The following MYH7B variants were observed in gnomAD, a reference collection of about 807,000 sequenced individuals.
MYH7B encodes the protein myosin-7B.
In MYH7B, 205 loss-of-function variants were observed where a neutral mutation model predicts 234.5. The ratio of observed to expected loss-of-function variants is 0.87; its 90% CI spans 0.78 to 0.98. The LOEUF (loss-of-function observed/expected upper bound fraction) is 0.98, where lower values mean the gene tolerates loss of function less well. Among genes scored for constraint, MYH7B ranks in the 50% least tolerant of loss-of-function variants. MYH7B has a pLI of 0.00. For missense variants in MYH7B, 2,652 were observed against 2,633.4 expected, an observed-to-expected ratio of 1.01 and a Z score of -0.15; for synonymous variants, 1,193 against 1,105.0, an observed-to-expected ratio of 1.08 and a Z score of -1.58.
At chr20:34,994,065 A>G in intron 26 of MYH7B, 81 bp from the exon 27 acceptor site, 1 of 1,547,284 alleles carries the variant, frequency 6.5e-7, no homozygotes, top group Non-Finnish European at 8.8e-7. Flanking sequence ...TGGGAAGGCA[A>G]AACAAGTGAA....
At chr20:34,958,612 C>T (rs945929876) in intron 2 of MYH7B, among the ~76,000 whole-genome samples, 1 of 152,028 alleles carries the variant, frequency 6.6e-6, no homozygotes, top group African/African-American at 2.4e-5. Context: ...ATTACAGGCA[C>T]GTGCCACCAT....
Position 34,981,116 on chromosome 20 carries a change from G to T in MYH7B, c.527+56G>T, listed in dbSNP as rs2081935736. 2.5e-6 allele frequency: 4 copies of T among 1,602,982 alleles called. No individual in the cohort carries two copies. In the South Asian group the frequency reaches 4.4e-5, roughly 18 times the overall value. ...AAATGCTGGCCATCTGGCAGAAAGA[G>T]GGCGGTACCACAGTCATTTCCCAGG... On this transcript the variant is annotated intron_variant, in intron 9 of 44. Coordinates refer to ENST00000262873, the Ensembl canonical transcript of MYH7B.
At chr20:34,979,685 C>T (rs1569034868) in exon 7 of MYH7B, 1 of 1,614,192 alleles carries the variant, frequency 6.2e-7, no homozygotes. Context: ...TGAAGCCGAG[C>T]TGCAGCCCAT....
At chr20:34,961,604 C>T (rs55909363) in intron 2 of MYH7B, among the ~76,000 whole-genome samples, 12,292 of 152,248 alleles carry the variant, frequency 0.081, 581 homozygotes, top group South Asian at 0.13. Flanking sequence ...AGAATATTTT[C>T]ATCACCACAG....
At chr20:34,963,871 G>A (rs1803795501) in intron 2 of MYH7B, among the ~76,000 whole-genome samples, 1 of 152,004 alleles carries the variant, frequency 6.6e-6, no homozygotes. Context: ...TGATTCTTGT[G>A]CAGCTTGCTT....
chr20:34,979,789 C>T lies in MYH7B; in HGVS notation c.327C>T (p.Ala109=), dbSNP rs759240571. The T allele has an allele frequency of 5.0e-6, 8 of 1,613,766 alleles. No individual in the cohort carries two copies. In the Admixed American group the frequency reaches 5.0e-5, roughly 10 times the overall value. The change falls in exon 7 of 45, where the codon GCC becomes GCT. Residue 109 remains alanine, a synonymous_variant. Coordinates refer to ENST00000262873, the Ensembl canonical transcript of MYH7B. ...TGCACAACCTGCGCCAGCGCTATGC[C>T]CGCTGGATGATCTATGTGAGCCCCA...
intron 1 of MYH7B, among the ~76,000 whole-genome samples, chr20:34,957,880 G>A (rs1017071286): frequency 6.6e-6 from 1 of 152,242 alleles, no homozygotes; most frequent in African/African-American, 2.4e-5. Flanking sequence ...CGGGATGGGG[G>A]GAGATGGTGG....
intron 1 of MYH7B, among the ~76,000 whole-genome samples, chr20:34,956,690 G>A (rs896605933): frequency 6.6e-6 from 1 of 152,182 alleles, no homozygotes; most frequent in Admixed American, 6.5e-5. Flanking sequence ...GGAAGGTATA[G>A]GTAGTGAAGG....
chr20:34,995,234 C>G (rs61501849), intron 27 of MYH7B, 102 bp from the exon 28 acceptor site: 868,045 of 1,233,004 alleles, frequency 0.7, 307,618 homozygotes, highest in Admixed American at 0.85. Flanking sequence ...CACAGCCAAA[C>G]TTTGCTACAG....
At chr20:34,956,894 G>C (rs1453162214) in intron 1 of MYH7B, among the ~76,000 whole-genome samples, 1 of 152,110 alleles carries the variant, frequency 6.6e-6, no homozygotes, top group African/African-American at 2.4e-5. Flanking sequence ...GTCTCTACTA[G>C]AAATACAAGA....
intron 38 of MYH7B, 138 bp from the exon 39 acceptor site, chr20:35,000,155 G>A: frequency 1.8e-6 from 2 of 1,120,518 alleles, no homozygotes; most frequent in Non-Finnish European, 2.5e-6. Context: ...TGGGCCACAG[G>A]CAGTCACAAG....
At chr20:35,001,022 A>T in exon 41 of MYH7B, 1 of 1,613,846 alleles carries the variant, frequency 6.2e-7, no homozygotes, top group Non-Finnish European at 8.5e-7. Flanking sequence ...AAGAAGGAGC[A>T]GGACACAAGT....
chr20:34,986,668 A>G (rs2082029703), intron 14 of MYH7B, among the ~76,000 whole-genome samples: 1 of 152,190 alleles, frequency 6.6e-6, no homozygotes, highest in Admixed American at 6.5e-5. Flanking sequence ...CCAGGGTCAA[A>G]GTGAAGGCCA....
At chr20:34,974,783 AT>A (rs2081830940) in intron 2 of MYH7B, among the ~76,000 whole-genome samples, 1 of 152,208 alleles carries the variant, frequency 6.6e-6, no homozygotes, top group Non-Finnish European at 1.5e-5. Context: ...TTAAAATCCT[AT>A]TATCTATCAG....
exon 27 of MYH7B, chr20:34,994,300 C>A (rs749943398): frequency 1.2e-6 from 2 of 1,611,112 alleles, no homozygotes; most frequent in South Asian, 2.2e-5. Flanking sequence ...GCGGGGGTTG[C>A]GAGGGGCGCT....
chr20:35,000,588 G>GAGGAGCTGC (rs2082352488), exon 39 of MYH7B: 1 of 1,568,668 alleles, frequency 6.4e-7, no homozygotes, highest in Non-Finnish European at 8.6e-7. Flanking sequence ...TGCGGAGCTG[G>GAGGAGCTGC]AGGAGCTGCG....
chr20:34,982,706 T>C (rs1305875369), intron 10 of MYH7B, 151 bp downstream of exon 10: 1 of 681,586 alleles, frequency 1.5e-6, no homozygotes, highest in Non-Finnish European at 2.4e-6. Flanking sequence ...TGGGGGACTC[T>C]GGCCTGAGCA....
chr20:34,998,784 A>G (rs765855285), exon 35 of MYH7B: 1 of 1,613,054 alleles, frequency 6.2e-7, no homozygotes, highest in South Asian at 1.1e-5. Context: ...TGCGGGAGCA[A>G]CACGAGGAGG....
At chr20:34,997,845 G>C (rs925474161) in intron 32 of MYH7B, among the ~76,000 whole-genome samples, 2 of 152,016 alleles carry the variant, frequency 1.3e-5, no homozygotes, top group African/African-American at 4.8e-5. Context: ...CTGACTCCAG[G>C]TCATTTCTGA....
Sources: allele counts gnomAD v4.1 joint callset (sites outside exome capture counted in the v4.1 genomes callset), GRCh38; gene constraint gnomAD v4.1.1; transcripts MANE v1.5; gene names NCBI Gene and HGNC (gene_info 2026-07-23, HGNC 2026-07-21).